Variants in ROR2 observed in about 807,000 individuals in gnomAD.
ROR2 encodes ROR family WNT receptor 2.
A neutral mutation model predicts 74.9 loss-of-function variants in ROR2; 33 were observed. That is an observed-to-expected ratio of 0.44 (90% CI 0.33 to 0.59). The LOEUF is 0.59. ROR2 is among the 20% of genes least tolerant of loss of function. The pLI, the probability that ROR2 is intolerant of heterozygous loss-of-function variation, is 0.02. For synonymous variants in ROR2, 586 were observed against 558.7 expected (o/e 1.05, Z -0.69); for missense variants, 1,216 against 1,313.8 (o/e 0.93, Z 1.15).
chr9:91,755,974 G>A (rs779973422), intron 4 of ROR2, 97 bp downstream of exon 4: 18 of 1,359,410 alleles, frequency 1.3e-5, no homozygotes, highest in South Asian at 2.3e-5. Flanking sequence ...TAGCAAATTC[G>A]GCAAAGACAT....
chr9:91,765,869 A>T (rs112948758), intron 2 of ROR2, among the ~76,000 whole-genome samples: 207 of 152,330 alleles, frequency 1.4e-3, no homozygotes, highest in Middle Eastern at 0.01. Flanking sequence ...CATAGGCCTT[A>T]TATCAGGGTG....
intron 1 of ROR2, among the ~76,000 whole-genome samples, chr9:91,838,664 T>C (rs1828685485): frequency 6.6e-6 from 1 of 152,102 alleles, no homozygotes; most frequent in African/African-American, 2.4e-5. Flanking sequence ...CCCTTGGGAA[T>C]AGAGACCCCG....
intron 1 of ROR2, among the ~76,000 whole-genome samples, chr9:91,921,005 A>G (rs748590122): frequency 3.9e-5 from 6 of 152,270 alleles, no homozygotes; most frequent in Non-Finnish European, 8.8e-5. Context: ...GCTTGTGTGC[A>G]GTATCATTGC....
chr9:91,778,657 T>G (rs1369500583), intron 1 of ROR2, among the ~76,000 whole-genome samples: 1 of 152,212 alleles, frequency 6.6e-6, no homozygotes. Context: ...ATGAGGACAC[T>G]ACTCTAGCCA....
chr9:91,835,876 T>C (rs887547723), intron 1 of ROR2, among the ~76,000 whole-genome samples: 1 of 152,210 alleles, frequency 6.6e-6, no homozygotes, highest in African/African-American at 2.4e-5. Flanking sequence ...CTCCTCCACA[T>C]GTCCGCCTTT....
At chr9:91,800,431 T>C (rs1353843914) in intron 1 of ROR2, among the ~76,000 whole-genome samples, 1 of 151,948 alleles carries the variant, frequency 6.6e-6, no homozygotes, top group Non-Finnish European at 1.5e-5. Flanking sequence ...GGCCAGCACC[T>C]CTCTTAGCCA....
intron 4 of ROR2, among the ~76,000 whole-genome samples, chr9:91,740,375 C>A (rs746565475): frequency 1.3e-5 from 2 of 151,946 alleles, no homozygotes; most frequent in Non-Finnish European, 2.9e-5. Flanking sequence ...GGTGAAACCC[C>A]ATCTCTACTA....
In ROR2 at chr9:91,733,522, C is replaced by A; in HGVS notation, c.623-86G>T. 7.1e-7 allele frequency: 1 copy of A among 1,410,460 alleles called. No individual in the cohort carries two copies. The highest frequency in any genetic ancestry group is 9.6e-7 in the Non-Finnish European group (1 of 1,044,092). 87.4% of individuals were successfully genotyped at this position (1,410,460 alleles called of 1,614,324 possible). ...CAGTCCCCACCCCCAGCCTGGCATC[C>A]CAGACTGCCCACTCAGCCCCCTGAT... On this transcript the variant is annotated intron_variant, in intron 5 of 8. Transcript: ENST00000375708. The surrounding 1 kb of genome is among the most constrained non-coding windows in gnomAD (Gnocchi z 5.7).
intron 1 of ROR2, among the ~76,000 whole-genome samples, chr9:91,839,586 G>T (rs1452695519): frequency 6.6e-6 from 1 of 151,714 alleles, no homozygotes; most frequent in Admixed American, 6.6e-5. Context: ...GTGTGTTTGT[G>T]TGTTTCTTTG....
At chr9:91,909,847 G>GTTTT (rs71362365) in intron 1 of ROR2, among the ~76,000 whole-genome samples, 3 of 53,610 alleles carry the variant, frequency 5.6e-5, no homozygotes, top group Non-Finnish European at 9.3e-5. Flanking sequence ...GGTTTGTTTT[G>GTTTT]TTTTTTTTTT....
chr9:91,948,682 T>A, intron 1 of ROR2: 3 of 985,426 alleles, frequency 3.0e-6, no homozygotes, highest in Non-Finnish European at 3.6e-6. Context: ...AAGCAGAGCG[T>A]CTCCCAGCCT....
At chr9:91,875,643 G>A (rs1829934835) in intron 1 of ROR2, among the ~76,000 whole-genome samples, 1 of 152,072 alleles carries the variant, frequency 6.6e-6, no homozygotes, top group Non-Finnish European at 1.5e-5. Context: ...TCACTCCAGG[G>A]GAAACAAAGA....
chr9:91,755,946 TGAAG>T, intron 4 of ROR2, 121 bp downstream of exon 4: 1 of 992,820 alleles, frequency 1.0e-6, no homozygotes, highest in Non-Finnish European at 1.6e-6. Flanking sequence ...CACCCCTGTG[TGAAG>T]CCCAGCCAAC....
At chr9:91,922,010 C>T (rs1362416702) in intron 1 of ROR2, among the ~76,000 whole-genome samples, 2 of 150,642 alleles carry the variant, frequency 1.3e-5, no homozygotes, top group African/African-American at 4.9e-5. Flanking sequence ...CATCATTAGT[C>T]ACTGGGAAAA....
intron 1 of ROR2, among the ~76,000 whole-genome samples, chr9:91,814,853 C>A (rs189639816): frequency 6.6e-6 from 1 of 152,308 alleles, no homozygotes; most frequent in East Asian, 1.9e-4. Context: ...GGCCGTGGAA[C>A]GTAAAACACA....
chr9:91,940,332 C>T (rs558678828), intron 1 of ROR2, among the ~76,000 whole-genome samples: 1 of 152,254 alleles, frequency 6.6e-6, no homozygotes, highest in South Asian at 2.1e-4. Context: ...GGAAATGAAA[C>T]GAAATGAACG....
At chr9:91,859,408 AG>A (rs1280476325) in intron 1 of ROR2, among the ~76,000 whole-genome samples, 1 of 152,132 alleles carries the variant, frequency 6.6e-6, no homozygotes, top group Non-Finnish European at 1.5e-5. Flanking sequence ...CATGTTGGCC[AG>A]GATGGTCTCG....
chr9:91,921,731 C>T (rs117288483), intron 1 of ROR2, among the ~76,000 whole-genome samples: 8,270 of 151,954 alleles, frequency 0.054, 482 homozygotes, highest in East Asian at 0.22. Flanking sequence ...GGCGTGGCGG[C>T]GCACGCCTGT....
Position 91,829,114 on chromosome 9 carries a change from C to T in ROR2, c.98-53296G>A, listed in dbSNP as rs912283609. 2.6e-5 allele frequency among the ~76,000 whole-genome samples: 4 copies of T among 152,202 alleles called. 1 individual carries two copies. Among genetic ancestry groups the T allele is most frequent in the Non-Finnish European group, 4.4e-5 (3 of 68,034 alleles). On this transcript the variant is annotated intron_variant, in intron 1 of 8. Coordinates refer to ENST00000375708, the MANE Select transcript of ROR2 (RefSeq NM_004560.4). ...ATAACTTAAATATATGTTAACTAGA[C>T]ATCATGGCACTGTCCCACCTCCAAG...
Sources: gnomAD v4.1 joint callset for allele counts (sites outside exome capture counted in the v4.1 genomes callset) on GRCh38, gnomAD v4.1.1 for gene constraint, Gnocchi (gnomAD v3.1) non-coding constraint, MANE v1.5 for transcripts, NCBI Gene and HGNC (gene_info 2026-07-23, HGNC 2026-07-21) for gene names.